GALNT14: variants seen among roughly 807,000 people sequenced by gnomAD.
GALNT14 encodes polypeptide N-acetylgalactosaminyltransferase 14, also known as UDP-GalNAc:polypeptide N-acetylgalactosaminyltransferase 14.
A neutral mutation model predicts 77.5 loss-of-function variants in GALNT14; 60 were observed. The observed-to-expected ratio is 0.77, with a 90% CI of 0.63 to 0.96. The LOEUF (loss-of-function observed/expected upper bound fraction) is 0.96. Ranked by LOEUF, GALNT14 falls within the 40% of genes least tolerant of loss-of-function variation. GALNT14 has a pLI of 0.00. For synonymous variants in GALNT14, 280 were observed against 281.7 expected, an observed-to-expected ratio of 0.99 and a Z score of 0.06; for missense variants, 710 against 731.0, an observed-to-expected ratio of 0.97 and a Z score of 0.33.
rs2278080 is a variant in GALNT14, at chr2:30,910,896, G to T, written c.*5C>A. Reference sequence around the variant, plus strand: ...CATGGCCCTTGCTGCTTCTGGCAGGGGTCCTCAAGAGCTCACCATGTCCCA... The same window carrying T: ...CATGGCCCTTGCTGCTTCTGGCAGGTGTCCTCAAGAGCTCACCATGTCCCA... On this transcript the variant is annotated 3_prime_UTR_variant, in exon 15 of 15. Coordinates refer to ENST00000349752, the MANE Select transcript of GALNT14 (RefSeq NM_024572.4). 9.5e-5 allele frequency: 153 copies of T among 1,613,362 alleles called. 1 individual carries two copies. The East Asian group carries it at 3.3e-3, about 35-fold the overall frequency.
the GALNT14 span, among the ~76,000 whole-genome samples, chr2:30,898,156 G>A: frequency 7.4e-4 from 113 of 152,240 alleles, no homozygotes; most frequent in African/African-American, 2.6e-3. Flanking sequence ...GAGCTCTCTC[G>A]TCCTCGTTTT....
intron 1 of GALNT14, among the ~76,000 whole-genome samples, chr2:31,002,277 A>G (rs925478627): frequency 2.0e-5 from 3 of 152,064 alleles, no homozygotes; most frequent in Non-Finnish European, 4.4e-5. Flanking sequence ...TAAAAATACA[A>G]AAATTACCCG....
At chr2:31,094,447 G>T in intron 1 of GALNT14, among the ~76,000 whole-genome samples, 1 of 152,236 alleles carries the variant, frequency 6.6e-6, no homozygotes, top group Non-Finnish European at 1.5e-5. Context: ...ACTTGGACAT[G>T]CATGACAGAC....
At chr2:30,930,550 AAG>A (rs1293276149) in intron 10 of GALNT14, among the ~76,000 whole-genome samples, 52 of 152,228 alleles carry the variant, frequency 3.4e-4, no homozygotes, top group Admixed American at 3.4e-3. Context: ...AGCCCCAGAA[AAG>A]AGAGAAAAGA....
At chr2:30,956,443 T>A (rs957569072) in intron 4 of GALNT14, among the ~76,000 whole-genome samples, 1 of 152,214 alleles carries the variant, frequency 6.6e-6, no homozygotes, top group Non-Finnish European at 1.5e-5. Context: ...AATAATCACA[T>A]CATGGAGAAT....
At chr2:31,051,080 G>A (rs1341935767) in intron 1 of GALNT14, among the ~76,000 whole-genome samples, 1 of 152,262 alleles carries the variant, frequency 6.6e-6, no homozygotes, top group East Asian at 1.9e-4. Flanking sequence ...TGAACAGGGT[G>A]GAAAACCTGA....
intron 1 of GALNT14, among the ~76,000 whole-genome samples, chr2:31,102,981 A>G (rs1214825768): frequency 1.3e-5 from 2 of 151,740 alleles, no homozygotes; most frequent in Non-Finnish European, 2.9e-5. Context: ...GTGTTCCTTC[A>G]CTCATCCTTT....
chr2:30,970,833 A>AGGAGCCTGGACT (rs1668305690), intron 2 of GALNT14, among the ~76,000 whole-genome samples: 1 of 152,122 alleles, frequency 6.6e-6, no homozygotes, highest in Non-Finnish European at 1.5e-5. Context: ...GCCCCTGCTC[A>AGGAGCCTGGACT]CAGCTCAGGA....
Position 30,912,307 on chromosome 2 carries a change from C to T in GALNT14, c.1416G>A (p.Gln472=). The T allele has an allele frequency of 6.2e-7, 1 of 1,614,160 alleles. No individual in the cohort carries two copies. The highest frequency in any genetic ancestry group is 8.5e-7 in the Non-Finnish European group (1 of 1,180,026). Residue 472 remains glutamine, a synonymous_variant, in exon 14 of 15, where the codon CAG becomes CAA. Coordinates refer to ENST00000349752, the MANE Select transcript of GALNT14 (RefSeq NM_024572.4). The part of the protein sequence containing the change: ...WAFTYTQQIL[Q]EELCLSVITL... ...TGATGACTGACAGGCACAGCTCCTC[C>T]TGGAGGATCTGCTGGGTGTATGTGA...
Position 30,966,257 on chromosome 2 carries a change from G to A in GALNT14, c.345C>T (p.Ile115=), listed in dbSNP as rs1342569704. 7 of 1,614,054 alleles carry A rather than the reference G, an allele frequency of 4.3e-6. No individual in the cohort carries two copies. Among genetic ancestry groups the A allele is most frequent in the Middle Eastern group, 1.7e-4 (1 of 6,060 alleles). Residue 115 remains isoleucine, a synonymous_variant, in exon 3 of 15, where the codon ATC becomes ATT. Transcript: ENST00000349752. ...GGGCCTCGTTGTGGAAGGTGATGAT[G>A]ATGCTAGTGGGTGGAAGGTCCGTGC... ...VYCTDLPPTS[I]IITFHNEARS...
At chr2:31,104,126 A>C (rs1257481311) in intron 1 of GALNT14, among the ~76,000 whole-genome samples, 2 of 152,168 alleles carry the variant, frequency 1.3e-5, no homozygotes, top group African/African-American at 2.4e-5. Flanking sequence ...TTTTCTCCTC[A>C]TAAGTGACTT....
chr2:30,927,299 G>A (rs1417244887), intron 11 of GALNT14, among the ~76,000 whole-genome samples: 1 of 152,138 alleles, frequency 6.6e-6, no homozygotes, highest in Non-Finnish European at 1.5e-5. Flanking sequence ...GACTAGTTTG[G>A]GAATCTCCTT....
At chr2:31,064,371 T>A (rs548001475) in intron 1 of GALNT14, among the ~76,000 whole-genome samples, 160 of 152,350 alleles carry the variant, frequency 1.1e-3, no homozygotes, top group Non-Finnish European at 1.9e-3. Flanking sequence ...GAAACTGCCT[T>A]CCAGTCAACT....
chr2:30,987,729 CCCCCTCCT>C (rs1669397924), intron 2 of GALNT14, among the ~76,000 whole-genome samples: 1 of 146,326 alleles, frequency 6.8e-6, no homozygotes, highest in African/African-American at 2.5e-5. Context: ...TCCCCCTCCT[CCCCCTCCT>C]CCCCCACCTG....
intron 1 of GALNT14, among the ~76,000 whole-genome samples, chr2:31,103,545 G>A (rs2148616429): frequency 6.6e-6 from 1 of 151,652 alleles, no homozygotes; most frequent in East Asian, 1.9e-4. Context: ...CTCTGGCAAT[G>A]CTACTGTCTC....
intron 1 of GALNT14, among the ~76,000 whole-genome samples, chr2:31,089,054 C>T (rs1473379411): frequency 6.6e-6 from 1 of 152,182 alleles, no homozygotes; most frequent in Admixed American, 6.5e-5. Flanking sequence ...TGTCTTTAGC[C>T]TGGGGAGGAG....
At chr2:31,095,029 A>T (rs541226118) in intron 1 of GALNT14, among the ~76,000 whole-genome samples, 2 of 152,324 alleles carry the variant, frequency 1.3e-5, no homozygotes, top group South Asian at 4.1e-4. Flanking sequence ...AGTGAAGTCA[A>T]TGAACATATT....
chr2:31,007,348 G>A (rs1167902517), intron 1 of GALNT14, among the ~76,000 whole-genome samples: 2 of 152,170 alleles, frequency 1.3e-5, no homozygotes, highest in Admixed American at 6.5e-5. Flanking sequence ...CTATCAGAAT[G>A]GGATTTATGA....
At chr2:31,030,530 G>T (rs1005661844) in intron 1 of GALNT14, among the ~76,000 whole-genome samples, 3 of 152,182 alleles carry the variant, frequency 2.0e-5, no homozygotes, top group African/African-American at 7.2e-5. Flanking sequence ...CATGGTCTCA[G>T]CTACATAAAG....
Sources: allele counts gnomAD v4.1 joint callset (sites outside exome capture counted in the v4.1 genomes callset), GRCh38; gene constraint gnomAD v4.1.1; transcripts MANE v1.5; gene names NCBI Gene and HGNC (gene_info 2026-07-23, HGNC 2026-07-21).